TTN: variants seen among roughly 807,000 people sequenced by gnomAD.
The protein encoded by TTN is connectin.
In TTN, 1,525 loss-of-function variants were observed where a neutral mutation model predicts 3,223.0. The observed-to-expected ratio is 0.47, with a 90% CI of 0.45 to 0.49. The LOEUF (loss-of-function observed/expected upper bound fraction) is 0.49. Among genes scored for constraint, TTN ranks in the 20% least tolerant of loss-of-function variants. The probability of loss-of-function intolerance (pLI) is 0.00; values close to 1 mark genes in which losing one functional copy is unlikely to be tolerated. For synonymous variants in TTN, 14,094 were observed against 15,161.0 expected, an observed-to-expected ratio of 0.93 and a Z score of 5.17; for missense variants, 40,786 against 43,424.0, an observed-to-expected ratio of 0.94 and a Z score of 5.40.
In TTN at chr2:178,741,377, C is replaced by A. The variant is rs1057524094; in HGVS notation, c.11856G>T (p.Gly3952=). 13 of 1,613,704 alleles carry A rather than the reference C, an allele frequency of 8.1e-6. No homozygotes were observed. Among genetic ancestry groups the A allele is most frequent in the Non-Finnish European group, 1.1e-5 (13 of 1,179,834 alleles). Residue 3952 remains glycine, a synonymous_variant, in exon 48 of 363, where the codon GGG becomes GGT. Transcript: ENST00000589042. ...KELKPIRCAQ[G]LPAIFEYTVV... ...CTGTGTACTCAAAGATGGCAGGAAG[C>A]CCTTGAGCACAGCGAATTGGTTTTA...
At chr2:178,792,581 CTTTT>C (rs563597569) in intron 9 of TTN, among the ~76,000 whole-genome samples, 57 of 152,236 alleles carry the variant, frequency 3.7e-4, no homozygotes, top group Admixed American at 1.4e-3. Flanking sequence ...TTTGTCTGAT[CTTTT>C]TATTTTACAT....
chr2:178,780,185 T>C lies in TTN; in HGVS notation c.3544A>G (p.Lys1182Glu), dbSNP rs2092638111. ...LEEADYELLM[K>E]SQQEMLYQTQ... ...TGATAAAGCATTTCTTGCTGGGACTTCATCAGTAACTCATAATCAGCTAAG... is the reference window on the plus strand; with the variant it reads ...TGATAAAGCATTTCTTGCTGGGACTCCATCAGTAACTCATAATCAGCTAAG... Residue 1182 changes from lysine to glutamate, a missense_variant, in exon 22 of 363, where the codon AAG becomes GAG. Lys to Glu is a moderately conservative substitution (Grantham distance 56). Coordinates refer to ENST00000589042, the MANE Select transcript of TTN (RefSeq NM_001267550.2). 6.2e-7 allele frequency: 1 copy of C among 1,613,764 alleles called. No homozygotes were observed. Among genetic ancestry groups the C allele is most frequent in the African/African-American group, 1.3e-5 (1 of 75,038 alleles).
intron 341 of TTN, 36 bp from the exon 342 acceptor site, chr2:178,546,538 G>GA: frequency 6.3e-7 from 1 of 1,597,730 alleles, no homozygotes; most frequent in Non-Finnish European, 8.5e-7. Context: ...ATGAATATCT[G>GA]AGAGTTTATT....
chr2:178,755,297 G>T (rs2086607856), intron 46 of TTN, among the ~76,000 whole-genome samples: 1 of 152,168 alleles, frequency 6.6e-6, no homozygotes, highest in African/African-American at 2.4e-5. Context: ...CAAAAATTGT[G>T]ATCTTGCCAT....
At position 178,711,322 on chromosome 2, in the gene TTN, C is replaced by A; in HGVS notation, c.27914G>T (p.Arg9305Leu). Residue 9305 changes from arginine to leucine, a missense_variant, in exon 97 of 363, where the codon CGA becomes CTA. Coordinates refer to ENST00000589042, the MANE Select transcript of TTN (RefSeq NM_001267550.2). ...TGTTTCTTGAACATCTCTCAATTGT[C>A]GAGAAAATGATGGTGGAAGTTTTTG... ...QEQKLPPSFSRQLRDVQETVG... is the reference protein window; with the variant it reads ...QEQKLPPSFSLQLRDVQETVG... The A allele has an allele frequency of 6.2e-7, 1 of 1,606,160 alleles. No homozygotes were observed. The highest frequency in any genetic ancestry group is 1.1e-5 in the South Asian group (1 of 89,772).
In TTN at chr2:178,550,248, A is replaced by G. The variant is rs1423255358; in HGVS notation, c.91590T>C (p.Pro30530=). The change falls in exon 337 of 363, where the codon CCT becomes CCC. Residue 30530 remains proline (P), a synonymous_variant. Transcript: ENST00000589042. ...TAATAATGAGACCATCAAAGTATTC[A>G]GGGCCAAACTCTACTATTGGTGGAA... ...ENVPPIVEFG[P]EYFDGLIIKS... 2.5e-6 allele frequency: 4 copies of G among 1,612,406 alleles called. No homozygotes were observed. Among genetic ancestry groups the G allele is most frequent in the Non-Finnish European group, 3.4e-6 (4 of 1,178,916 alleles).
chr2:178,542,754 C>T lies in TTN; in HGVS notation c.97100G>A (p.Arg32367His), dbSNP rs777181557. Reference sequence around the variant, plus strand: ...TCCAGTATCTCTGATAGTGGTTTCACGGATGGTTAATTTAGCTACTTTAGT... The same window carrying T: ...TCCAGTATCTCTGATAGTGGTTTCATGGATGGTTAATTTAGCTACTTTAGT... ...THTKVAKLTI[R>H]ETTIRDTGEY... The change falls in exon 348 of 363, where the codon CGT (arginine) becomes CAT (histidine). Residue 32367 changes from arginine to histidine, a missense_variant. Coordinates refer to ENST00000589042, the MANE Select transcript of TTN (RefSeq NM_001267550.2). 1.5e-5 allele frequency: 24 copies of T among 1,613,636 alleles called. No individual in the cohort carries two copies. The highest frequency in any genetic ancestry group is 2.7e-5 in the African/African-American group (2 of 74,886).
rs752697997 is a variant in TTN, at chr2:178,769,921, G to T, written c.8660C>A (p.Thr2887Asn). The T allele has an allele frequency of 3.7e-6, 6 of 1,614,090 alleles. No homozygotes were observed. The highest frequency in any genetic ancestry group is 3.3e-5 in the South Asian group (3 of 91,084). Residue 2887 changes from threonine to asparagine, a missense_variant, in exon 37 of 363, where the codon ACC becomes AAC. Transcript: ENST00000589042. Reference protein sequence around the residue: ...LFVETLHITKTMKNIEVPETK... With the variant: ...LFVETLHITKNMKNIEVPETK... Reference sequence around the variant, plus strand: ...CTCAGGCACCTCGATATTTTTCATGGTTTTTGTAATATGTAATGCTTGGTA... The same window carrying T: ...CTCAGGCACCTCGATATTTTTCATGTTTTTTGTAATATGTAATGCTTGGTA...
In TTN at chr2:178,612,136, C is replaced by T. The variant is rs1374450831; in HGVS notation, c.50275G>A (p.Ala16759Thr). The change falls in exon 267 of 363, where the codon GCA (alanine) becomes ACA (threonine). Residue 16759 changes from alanine to threonine, a missense_variant. Physicochemically the swap from Ala to Thr is moderately conservative, Grantham distance 58. Coordinates refer to ENST00000589042, the MANE Select transcript of TTN (RefSeq NM_001267550.2). ...FTTPGPPYALAVVDVTKRHVD... is the reference protein window; with the variant it reads ...FTTPGPPYALTVVDVTKRHVD... ...TGTCGTTTTGTCACATCAACCACTG[C>T]CAGGGCGTAGGGTGGTCCAGGAGTG... 2 of 1,611,628 alleles carry T rather than the reference C, an allele frequency of 1.2e-6. No individual in the cohort carries two copies. The highest frequency in any genetic ancestry group is 4.5e-5 in the East Asian group (2 of 44,490).
At chr2:178,538,018 T>C in intron 354 of TTN, 101 bp from the exon 355 acceptor site, 3 of 1,061,760 alleles carry the variant, frequency 2.8e-6, no homozygotes, top group African/African-American at 1.6e-5. Context: ...TACTGACACA[T>C]ACCATGATTT....
chr2:178,741,842 T>G lies in TTN; in HGVS notation c.11391A>C (p.Thr3797=), dbSNP rs373708340. 2 of 1,608,452 alleles carry G rather than the reference T, an allele frequency of 1.2e-6. No homozygotes were observed. Among genetic ancestry groups the G allele is most frequent in the Admixed American group, 1.7e-5 (1 of 58,978 alleles). ...CTGGAGATTCAGACAAAAGTTCAAG[T>G]GTTTCATTTATTTTAGATAATTGAA... ...AELQLSKINE[T]LELLSESPVY... Residue 3797 remains threonine (T), a synonymous_variant, in exon 48 of 363, where the codon ACA becomes ACC. Coordinates refer to ENST00000589042, the MANE Select transcript of TTN (RefSeq NM_001267550.2).
At chr2:178,595,984 CTTTTTTT>C (rs762808998) in intron 294 of TTN, among the ~76,000 whole-genome samples, 175 bp from the exon 295 acceptor site, 13 of 114,516 alleles carry the variant, frequency 1.1e-4, no homozygotes, top group South Asian at 5.6e-4. Context: ...CAGTCAACCA[CTTTTTTT>C]TTTTTTTTTT....
chr2:178,635,698 G>T lies in TTN; in HGVS notation c.41626C>A (p.Leu13876Met). The change falls in exon 227 of 363, where the codon CTG becomes ATG. Residue 13876 changes from leucine to methionine, a missense_variant. Leu to Met is a conservative substitution (Grantham distance 15). Coordinates refer to ENST00000589042, the MANE Select transcript of TTN (RefSeq NM_001267550.2). ...TGCTGGTCTCGTATAGGTTTCACCA[G>T]CCAATCTCTAATGACTTCTATATGA... ...VKVVEVIRDWLVKPIRDQHVK... is the reference protein window; with the variant it reads ...VKVVEVIRDWMVKPIRDQHVK... 6.2e-7 allele frequency: 1 copy of T among 1,600,966 alleles called. No homozygotes were observed. The highest frequency in any genetic ancestry group is 8.5e-7 in the Non-Finnish European group (1 of 1,173,538).
At chr2:178,705,383 T>C (rs2075697486) in intron 102 of TTN, 26 bp from the exon 103 acceptor site, 1 of 1,470,184 alleles carries the variant, frequency 6.8e-7, no homozygotes, top group South Asian at 1.4e-5. Flanking sequence ...AAAGTAAGGA[T>C]AAAACACCTG....
rs746863482 is a variant in TTN at position 178,533,160 on chromosome 2, T to A, written c.103455A>T (p.Glu34485Asp). The A allele has an allele frequency of 2.6e-5, 42 of 1,613,882 alleles. No individual in the cohort carries two copies. In the South Asian group the frequency reaches 4.6e-4, roughly 18 times the overall value. The change falls in exon 358 of 363, where the codon GAA becomes GAT. Residue 34485 changes from glutamate to aspartate, a missense_variant. Transcript: ENST00000589042. ...KQIDKTLRMA[E>D]ILSGTESVPL... ...GTACACTTTCAGTTCCAGAAAGAATTTCAGCCATTCTGAGGGTTTTGTCAA... is the reference window on the plus strand; with the variant it reads ...GTACACTTTCAGTTCCAGAAAGAATATCAGCCATTCTGAGGGTTTTGTCAA...
rs915500766 is a variant in TTN at position 178,546,937 on chromosome 2, T to C, written c.94523-32A>G. Reference sequence around the variant, plus strand: ...GGGATGCAAAAATAAGGTTAAAATATACCACTCTGAGTTCTACTAGAATCA... The same window carrying C: ...GGGATGCAAAAATAAGGTTAAAATACACCACTCTGAGTTCTACTAGAATCA... On this transcript the variant is annotated intron_variant, in intron 340 of 362. Coordinates refer to ENST00000589042, the MANE Select transcript of TTN (RefSeq NM_001267550.2). The C allele has an allele frequency of 3.8e-6, 6 of 1,576,238 alleles. No homozygotes were observed. The African/African-American group carries it at 8.1e-5, about 21-fold the overall frequency.
At chr2:178,673,452 C>T (rs543423069) in intron 152 of TTN, among the ~76,000 whole-genome samples, 181 bp downstream of exon 152, 2 of 151,784 alleles carry the variant, frequency 1.3e-5, no homozygotes, top group South Asian at 2.1e-4. Context: ...AACACATGCA[C>T]ACAATTATTC....
intron 106 of TTN, among the ~76,000 whole-genome samples, chr2:178,702,881 C>A (rs541893877): frequency 2.0e-5 from 3 of 152,208 alleles, no homozygotes; most frequent in African/African-American, 7.2e-5. Flanking sequence ...TCGAATGTAG[C>A]AAAGTGTAAA....
Position 178,647,065 on chromosome 2 carries a change from T to A in TTN, c.40221A>T (p.Glu13407Asp). Residue 13407 changes from glutamate to aspartate, a missense_variant and splice_region_variant, in exon 215 of 363, where the codon GAA (glutamate) becomes GAT (aspartate). Physicochemically the swap from Glu to Asp is conservative, Grantham distance 45. Transcript: ENST00000589042. ...GTATATATATATATATATATATACCTTCAACAGGGGGAGTCTCTTTTCTAC... is the reference window on the plus strand; with the variant it reads ...GTATATATATATATATATATATACCATCAACAGGGGGAGTCTCTTTTCTAC... ...TIGRKETPPV[E>D]EREIEKYIKP... 8.4e-7 allele frequency: 1 copy of A among 1,195,300 alleles called. No individual in the cohort carries two copies. Among genetic ancestry groups the A allele is most frequent in the Non-Finnish European group, 1.1e-6 (1 of 903,074 alleles). 74.0% of individuals were successfully genotyped at this position (1,195,300 alleles called of 1,614,324 possible).
Sources: allele counts gnomAD v4.1 joint callset (sites outside exome capture counted in the v4.1 genomes callset), GRCh38; gene constraint gnomAD v4.1.1; transcripts MANE v1.5; gene names NCBI Gene and HGNC (gene_info 2026-07-23, HGNC 2026-07-21).